Variants in CDH20 observed in about 807,000 individuals in gnomAD.
CDH20 encodes the protein cadherin 20, also known as cadherin-20.
A neutral mutation model predicts 74.2 loss-of-function variants in CDH20; 29 were observed. That is an observed-to-expected ratio of 0.39 (90% CI 0.29 to 0.53). CDH20 has a LOEUF of 0.53. Among genes scored for constraint, CDH20 ranks in the 20% least tolerant of loss-of-function variants. The probability of loss-of-function intolerance (pLI) is 0.69; values close to 1 mark genes in which losing one functional copy is unlikely to be tolerated. For missense variants in CDH20, 988 were observed against 1,048.3 expected (o/e 0.94, Z 0.79); for synonymous variants, 469 against 405.4 (o/e 1.16, Z -1.88).
rs544635209 is a variant in CDH20, at chr18:61,451,334, AC to A, written c.-152-39067del. The stretch of plus-strand genomic sequence containing the variant: ...GAAAATTATTAAATTATATAAAAAA[AC>A]AAAGGTAATAAATACTCAAAGTATA... On this transcript the variant is annotated intron_variant, in intron 1 of 11. Transcript: ENST00000262717. Among the ~76,000 whole-genome samples, 607 of 152,162 alleles carry A rather than the reference AC, an allele frequency of 4.0e-3. 3 individuals carry two copies. The highest frequency in any genetic ancestry group is 6.8e-3 in the Middle Eastern group (2 of 294).
intron 6 of CDH20, among the ~76,000 whole-genome samples, chr18:61,523,105 C>T (rs1016657412): frequency 1.3e-5 from 2 of 151,912 alleles, no homozygotes; most frequent in Non-Finnish European, 2.9e-5. Flanking sequence ...GCAAAAGAAA[C>T]TATCATCAAA....
intron 7 of CDH20, among the ~76,000 whole-genome samples, chr18:61,536,076 C>T (rs1476157215): frequency 6.6e-6 from 1 of 152,198 alleles, no homozygotes; most frequent in Non-Finnish European, 1.5e-5. Context: ...CACTAAACTA[C>T]ACCTTTTCTC....
At chr18:61,408,077 A>G (rs1188496412) in intron 1 of CDH20, among the ~76,000 whole-genome samples, 3 of 151,946 alleles carry the variant, frequency 2.0e-5, no homozygotes, top group Non-Finnish European at 4.4e-5. Context: ...TAAAATCAAA[A>G]TCATTTCAAA....
intron 1 of CDH20, among the ~76,000 whole-genome samples, chr18:61,470,023 GT>G (rs1021252062): frequency 6.6e-6 from 1 of 152,208 alleles, no homozygotes; most frequent in African/African-American, 2.4e-5. Context: ...GGTGAAAACA[GT>G]TTGAGAGTTG....
intron 1 of CDH20, among the ~76,000 whole-genome samples, chr18:61,394,514 A>G (rs1394522856): frequency 6.6e-6 from 1 of 152,130 alleles, no homozygotes; most frequent in African/African-American, 2.4e-5. Context: ...CATGCCAGTG[A>G]TCACCAGCAA....
rs1330376272 is a variant in CDH20, at chr18:61,547,759, G to GA, written c.1649-2212dup. On this transcript the variant is annotated intron_variant, in intron 10 of 11. Transcript: ENST00000262717. The stretch of plus-strand genomic sequence containing the variant: ...ACACACAGTGTTCTGTGTCACCTCA[G>GA]AAAAAAATGCTGTTTCCAAATAAGT... Among the ~76,000 whole-genome samples the GA allele has an allele frequency of 2.7e-5, 4 of 150,116 alleles. No homozygotes were observed. In the East Asian group the frequency reaches 5.9e-4, roughly 22 times the overall value.
At chr18:61,431,366 G>A (rs1021676706) in intron 1 of CDH20, among the ~76,000 whole-genome samples, 1 of 152,094 alleles carries the variant, frequency 6.6e-6, no homozygotes, top group Non-Finnish European at 1.5e-5. Context: ...AAGGATGTTA[G>A]GGAAACTCTA....
At chr18:61,358,645 C>T (rs1400718366) in intron 1 of CDH20, among the ~76,000 whole-genome samples, 1 of 152,110 alleles carries the variant, frequency 6.6e-6, no homozygotes, top group African/African-American at 2.4e-5. Context: ...CTGACCTGTC[C>T]TGAACTGTTG....
At chr18:61,469,318 T>C (rs1214271987) in intron 1 of CDH20, among the ~76,000 whole-genome samples, 3 of 151,422 alleles carry the variant, frequency 2.0e-5, no homozygotes, top group South Asian at 4.2e-4. Flanking sequence ...TCCAGTCACT[T>C]TGAAAGCAGC....
intron 1 of CDH20, among the ~76,000 whole-genome samples, chr18:61,406,424 AG>A (rs1463735459): frequency 6.6e-6 from 1 of 152,202 alleles, no homozygotes; most frequent in Non-Finnish European, 1.5e-5. Context: ...GCACTGTTCT[AG>A]GTATGAAGGC....
chr18:61,460,640 C>T (rs1437802765), intron 1 of CDH20, among the ~76,000 whole-genome samples: 2 of 152,182 alleles, frequency 1.3e-5, no homozygotes, highest in South Asian at 2.1e-4. Flanking sequence ...ACTAGGGTAG[C>T]ACCACCATCT....
chr18:61,502,099 A>T (rs1190486497), intron 4 of CDH20, among the ~76,000 whole-genome samples: 1 of 152,222 alleles, frequency 6.6e-6, no homozygotes, highest in Non-Finnish European at 1.5e-5. Flanking sequence ...GCCAAGAGTC[A>T]TGTTGTAAAG....
chr18:61,500,834 A>G (rs1209743241), intron 4 of CDH20, among the ~76,000 whole-genome samples: 2 of 152,248 alleles, frequency 1.3e-5, no homozygotes, highest in African/African-American at 2.4e-5. Flanking sequence ...ATGAAGACCC[A>G]ACAGGATTGA....
chr18:61,474,031 T>A (rs920164312), intron 1 of CDH20, among the ~76,000 whole-genome samples: 1 of 152,206 alleles, frequency 6.6e-6, no homozygotes, highest in Admixed American at 6.5e-5. Flanking sequence ...TAAAACACCA[T>A]TGATTTCTAG....
In CDH20 at chr18:61,538,914, G is replaced by A. The variant is rs1002415433; in HGVS notation, c.1409-110G>A. Reference sequence around the variant, plus strand: ...CCCAAAGTGCTGGGATTACAGGCGTGAGCCACTGCGCCCAGTCGTAAATAC... The same window carrying A: ...CCCAAAGTGCTGGGATTACAGGCGTAAGCCACTGCGCCCAGTCGTAAATAC... On this transcript the variant is annotated intron_variant, in intron 8 of 11. Transcript: ENST00000262717. 40 of 1,241,364 alleles carry A rather than the reference G, an allele frequency of 3.2e-5. No homozygotes were observed. The African/African-American group carries it at 5.3e-4, about 16-fold the overall frequency. The allele number at this position is 1,241,364 out of a possible 1,614,324, so 76.9% of individuals were successfully genotyped here.
At chr18:61,446,280 T>A (rs1220355934) in intron 1 of CDH20, among the ~76,000 whole-genome samples, 1 of 152,142 alleles carries the variant, frequency 6.6e-6, no homozygotes, top group Non-Finnish European at 1.5e-5. Flanking sequence ...GCTCAACTAT[T>A]CATAAAAATA....
At position 61,345,386 on chromosome 18, in the gene CDH20, T is replaced by G. The variant is rs142224078; in HGVS notation, c.-153+11559T>G. ...AGGCAGGAGGCTTTGCTGGGCCTTG[T>G]GGCTTGCAGAGTTGAGGAAAGGCCT... On this transcript the variant is annotated intron_variant, in intron 1 of 11. Coordinates refer to ENST00000262717, the MANE Select transcript of CDH20 (RefSeq NM_031891.4). Among the ~76,000 whole-genome samples, 528 of 152,308 alleles carry G rather than the reference T, an allele frequency of 3.5e-3. 2 individuals carry two copies. Among genetic ancestry groups the G allele is most frequent in the Non-Finnish European group, 3.1e-3 (214 of 68,026 alleles).
intron 1 of CDH20, among the ~76,000 whole-genome samples, chr18:61,340,177 A>C (rs1265782820): frequency 6.7e-6 from 1 of 150,306 alleles, no homozygotes; most frequent in African/African-American, 2.4e-5. Context: ...AAAATGAAAA[A>C]CAGATGCTTG....
chr18:61,505,335 CTTTTTT>C (rs35833642), intron 5 of CDH20, among the ~76,000 whole-genome samples: 3 of 117,412 alleles, frequency 2.6e-5, no homozygotes, highest in Non-Finnish European at 3.5e-5. Flanking sequence ...AAACCAATAT[CTTTTTT>C]TTTTTTTTTT....
Sources: allele counts gnomAD v4.1 joint callset (sites outside exome capture counted in the v4.1 genomes callset), GRCh38; gene constraint gnomAD v4.1.1; transcripts MANE v1.5; gene names NCBI Gene and HGNC (gene_info 2026-07-23, HGNC 2026-07-21).